Variants in GPC5 observed in about 807,000 individuals in gnomAD.
GPC5 encodes the protein glypican 5.
In GPC5, 47 loss-of-function variants were observed where a neutral mutation model predicts 53.9. That is an observed-to-expected ratio of 0.87 (90% CI 0.69 to 1.11). The LOEUF (loss-of-function observed/expected upper bound fraction) is 1.11, where lower values mean the gene tolerates loss of function less well. GPC5 is among the 50% of genes most tolerant of loss of function. GPC5 has a pLI of 0.00. For synonymous variants in GPC5, 286 were observed against 263.3 expected (o/e 1.09, Z -0.84); for missense variants, 748 against 713.1 (o/e 1.05, Z -0.56).
intron 7 of GPC5, among the ~76,000 whole-genome samples, chr13:92,509,320 A>G (rs1220048175): frequency 1.3e-5 from 2 of 152,084 alleles, no homozygotes; most frequent in African/African-American, 4.8e-5. Context: ...CTGACCCTTT[A>G]AGCATCACAT....
intron 7 of GPC5, among the ~76,000 whole-genome samples, chr13:92,529,272 G>C (rs998882837): frequency 6.6e-6 from 1 of 152,026 alleles, no homozygotes; most frequent in African/African-American, 2.4e-5. Flanking sequence ...ATTCAATATG[G>C]CAATTAGGAT....
In GPC5 at chr13:92,663,665, C is replaced by CTA. The variant is rs1228385049; in HGVS notation, c.1562-202608_1562-202607dup. Among the ~76,000 whole-genome samples, 380 of 135,848 alleles carry CTA rather than the reference C, an allele frequency of 2.8e-3. 4 individuals are homozygous for CTA. Among genetic ancestry groups the CTA allele is most frequent in the African/African-American group, 9.7e-3 (347 of 35,894 alleles). 89.1% of individuals were successfully genotyped at this position (135,848 alleles called of 152,430 possible). A position where few individuals can be genotyped will look rare whatever the true frequency, so the allele number is the denominator to read the frequency against. On this transcript the variant is annotated intron_variant, in intron 7 of 7. Coordinates refer to ENST00000377067, the MANE Select transcript of GPC5 (RefSeq NM_004466.6). ...ACTATATATATACTATATATATATACTATATATATACACTATATATATCTA... is the reference window on the plus strand; with the variant it reads ...ACTATATATATACTATATATATATACTATATATATATACACTATATATATCTA...
At chr13:92,277,664 G>A (rs1241777439) in intron 7 of GPC5, among the ~76,000 whole-genome samples, 1 of 151,874 alleles carries the variant, frequency 6.6e-6, no homozygotes, top group Non-Finnish European at 1.5e-5. Flanking sequence ...GTTGGCCCCT[G>A]TAAAATTAAA....
chr13:92,505,886 G>A (rs377085786), intron 7 of GPC5, among the ~76,000 whole-genome samples: 1 of 152,110 alleles, frequency 6.6e-6, no homozygotes, highest in East Asian at 1.9e-4. Context: ...ATGTTTCCAT[G>A]TGTGTGTTAA....
chr13:92,865,622 C>T (rs768748483), intron 7 of GPC5, among the ~76,000 whole-genome samples: 16 of 151,996 alleles, frequency 1.1e-4, no homozygotes, highest in Non-Finnish European at 2.2e-4. Context: ...TGTATATTTC[C>T]AAATTGCCAA....
At chr13:91,483,126 C>T (rs902880507) in intron 2 of GPC5, among the ~76,000 whole-genome samples, 2 of 152,066 alleles carry the variant, frequency 1.3e-5, no homozygotes, top group African/African-American at 2.4e-5. Flanking sequence ...GGTCATTCCC[C>T]TTTTTGAAAA....
At chr13:92,433,060 A>G (rs1477241468) in intron 7 of GPC5, among the ~76,000 whole-genome samples, 1 of 152,200 alleles carries the variant, frequency 6.6e-6, no homozygotes, top group South Asian at 2.1e-4. Flanking sequence ...AAGGAGAATG[A>G]GTAGACAAAG....
intron 7 of GPC5, among the ~76,000 whole-genome samples, chr13:92,520,812 A>G (rs1048863150): frequency 6.6e-6 from 1 of 152,176 alleles, no homozygotes; most frequent in Non-Finnish European, 1.5e-5. Context: ...AATAAAGGGT[A>G]TTCAATTAAG....
chr13:92,397,723 A>C, intron 7 of GPC5, among the ~76,000 whole-genome samples: 1 of 152,144 alleles, frequency 6.6e-6, no homozygotes, highest in East Asian at 1.9e-4. Flanking sequence ...TAAGGACAGA[A>C]GCGACAGCTT....
intron 2 of GPC5, among the ~76,000 whole-genome samples, chr13:91,474,569 C>T (rs1566431213): frequency 2.0e-5 from 3 of 151,994 alleles, no homozygotes; most frequent in Non-Finnish European, 2.9e-5. Flanking sequence ...CAATGAAAAT[C>T]ACATGAGCAA....
At chr13:91,481,321 A>G (rs1327994717) in intron 2 of GPC5, among the ~76,000 whole-genome samples, 1 of 152,222 alleles carries the variant, frequency 6.6e-6, no homozygotes, top group Non-Finnish European at 1.5e-5. Context: ...GGCATCTTAT[A>G]TAAATTCTGA....
At chr13:92,081,251 A>G (rs1180095136) in intron 6 of GPC5, among the ~76,000 whole-genome samples, 1 of 152,046 alleles carries the variant, frequency 6.6e-6, no homozygotes, top group Non-Finnish European at 1.5e-5. Context: ...ACAGGCACGC[A>G]GCACCATACC....
chr13:91,948,871 G>A (rs1360805485), intron 6 of GPC5, among the ~76,000 whole-genome samples: 1 of 152,158 alleles, frequency 6.6e-6, no homozygotes, highest in Admixed American at 6.5e-5. Context: ...CTTTGTTAGT[G>A]TACATGTCAG....
Position 92,068,733 on chromosome 13 carries a change from AATT to A in GPC5, c.1402-76096_1402-76094del, listed in dbSNP as rs149310187. On this transcript the variant is annotated intron_variant, in intron 6 of 7. Coordinates refer to ENST00000377067, the MANE Select transcript of GPC5 (RefSeq NM_004466.6). ...TATTGTTAATATAGTTAATTACAAT[AATT>A]GATTTTGTGATATTAAAATAATATT... Among the ~76,000 whole-genome samples the A allele has an allele frequency of 3.0e-3, 455 of 151,800 alleles. 1 individual carries two copies. The highest frequency in any genetic ancestry group is 0.01 in the African/African-American group (424 of 41,554).
At chr13:91,574,350 G>T (rs1485330427) in intron 2 of GPC5, among the ~76,000 whole-genome samples, 1 of 152,090 alleles carries the variant, frequency 6.6e-6, no homozygotes, top group Non-Finnish European at 1.5e-5. Context: ...AACATACTTT[G>T]TAATTCCAAG....
chr13:91,562,532 G>T (rs113992598), intron 2 of GPC5, among the ~76,000 whole-genome samples: 1 of 151,718 alleles, frequency 6.6e-6, no homozygotes, highest in Non-Finnish European at 1.5e-5. Context: ...GAGGCTCACC[G>T]CAATCTCTGC....
At chr13:92,392,509 A>G (rs1875053653) in intron 7 of GPC5, among the ~76,000 whole-genome samples, 1 of 152,186 alleles carries the variant, frequency 6.6e-6, no homozygotes, top group African/African-American at 2.4e-5. Flanking sequence ...ATATCATAAC[A>G]AAGACACCCA....
Position 92,444,674 on chromosome 13 carries a change from G to C in GPC5, c.1561+299685G>C, listed in dbSNP as rs1877718115. Among the ~76,000 whole-genome samples the C allele has an allele frequency of 2.2e-5, 3 of 134,196 alleles. No homozygotes were observed. The South Asian group carries it at 7.6e-4, about 34-fold the overall frequency. The allele number at this position is 134,196 out of a possible 152,430, so 88.0% of individuals were successfully genotyped here. A position where few individuals can be genotyped will look rare whatever the true frequency, so the allele number is the denominator to read the frequency against. On this transcript the variant is annotated intron_variant, in intron 7 of 7. Coordinates refer to ENST00000377067, the MANE Select transcript of GPC5 (RefSeq NM_004466.6). Reference sequence around the variant, plus strand: ...TAATAATAGGATGGCCCTCTAGTGAGTACACAGAGGAAGAAAAGAGAAGAG... The same window carrying C: ...TAATAATAGGATGGCCCTCTAGTGACTACACAGAGGAAGAAAAGAGAAGAG...
intron 2 of GPC5, among the ~76,000 whole-genome samples, chr13:91,535,221 G>C (rs1017496240): frequency 6.6e-6 from 1 of 152,112 alleles, no homozygotes; most frequent in Non-Finnish European, 1.5e-5. Flanking sequence ...GCTCAGTTAA[G>C]ACATCACCCT....
Sources: allele counts gnomAD v4.1 joint callset (sites outside exome capture counted in the v4.1 genomes callset), GRCh38; gene constraint gnomAD v4.1.1; transcripts MANE v1.5; gene names NCBI Gene and HGNC (gene_info 2026-07-23, HGNC 2026-07-21).